The following MPZL1 variants were observed in gnomAD, a reference collection of about 807,000 sequenced individuals.
MPZL1 encodes myelin protein zero-like protein 1.
A neutral mutation model predicts 29.3 loss-of-function variants in MPZL1; 16 were observed. That is an observed-to-expected ratio of 0.55 (90% CI 0.37 to 0.83). MPZL1 has a LOEUF of 0.83. MPZL1 is among the 40% of genes least tolerant of loss of function. MPZL1 has a pLI of 0.00. For missense variants in MPZL1, 279 were observed against 332.9 expected (o/e 0.84, Z 1.26); for synonymous variants, 143 against 132.0 (o/e 1.08, Z -0.57).
At chr1:167,738,775 C>T (rs1377471249) in intron 1 of MPZL1, among the ~76,000 whole-genome samples, 1 of 152,158 alleles carries the variant, frequency 6.6e-6, no homozygotes, top group Non-Finnish European at 1.5e-5. Flanking sequence ...CACCTTCTGC[C>T]ATGATTGTAA....
chr1:167,737,530 A>C (rs1181964971), intron 1 of MPZL1, among the ~76,000 whole-genome samples: 1 of 152,190 alleles, frequency 6.6e-6, no homozygotes, highest in Non-Finnish European at 1.5e-5. Flanking sequence ...ATATTTTAGC[A>C]GATCGGGTTG....
chr1:167,780,721 T>G lies in MPZL1; in HGVS notation c.708+4555T>G, dbSNP rs79845758. Among the ~76,000 whole-genome samples, 6 of 152,154 alleles carry G rather than the reference T, an allele frequency of 3.9e-5. No homozygotes were observed. The East Asian group carries it at 1.2e-3, about 29-fold the overall frequency. ...TTCATAGAGACAGAAAGTAGAGTGG[T>G]AGTTGTTGGGGAAGGAAGAATAGGG... On this transcript the variant is annotated intron_variant, in intron 5 of 5. Transcript: ENST00000359523.
At chr1:167,770,016 A>G (rs543763703) in intron 2 of MPZL1, among the ~76,000 whole-genome samples, 149 of 152,310 alleles carry the variant, frequency 9.8e-4, no homozygotes, top group African/African-American at 3.5e-3. Flanking sequence ...ATACATGAAG[A>G]GGGGAAGATG....
At position 167,722,060 on chromosome 1, in the gene MPZL1, A is replaced by G; in HGVS notation, c.-92A>G. The G allele has an allele frequency of 3.3e-6, 4 of 1,228,962 alleles. No individual in the cohort carries two copies. Among genetic ancestry groups the G allele is most frequent in the Non-Finnish European group, 4.1e-6 (4 of 985,956 alleles). The allele number at this position is 1,228,962 out of a possible 1,614,324, so 76.1% of individuals were successfully genotyped here. On this transcript the variant is annotated 5_prime_UTR_variant, in exon 1 of 6. Coordinates refer to ENST00000359523, the MANE Select transcript of MPZL1 (RefSeq NM_003953.6). ...GCCACCCGGCGCGGGTGGCGGAGAG[A>G]TCAGAAGCCTCTTCCCCAAGCCGAG...
chr1:167,760,431 T>G lies in MPZL1; in HGVS notation c.92-5152T>G, dbSNP rs185847125. 9.2e-5 allele frequency among the ~76,000 whole-genome samples: 14 copies of G among 152,270 alleles called. No homozygotes were observed. The East Asian group carries it at 2.5e-3, about 27-fold the overall frequency. Reference sequence around the variant, plus strand: ...GTTAGCCAGGATGGTCTTGATCTCCTGACCTCGGTGTTCCGCCCACTTTGG... The same window carrying G: ...GTTAGCCAGGATGGTCTTGATCTCCGGACCTCGGTGTTCCGCCCACTTTGG... On this transcript the variant is annotated intron_variant, in intron 1 of 5. Transcript: ENST00000359523.
At chr1:167,775,356 A>C (rs1661342747) in intron 4 of MPZL1, among the ~76,000 whole-genome samples, 1 of 152,180 alleles carries the variant, frequency 6.6e-6, no homozygotes, top group Non-Finnish European at 1.5e-5. Context: ...GACACATCTC[A>C]TTGGAAAATC....
At chr1:167,736,984 G>A (rs4656554) in intron 1 of MPZL1, among the ~76,000 whole-genome samples, 45,991 of 151,938 alleles carry the variant, frequency 0.3, 7,219 homozygotes, top group African/African-American at 0.38. Flanking sequence ...CCTTGAATTC[G>A]TGTATGATAT....
At chr1:167,771,659 G>A (rs1661251825) in intron 2 of MPZL1, among the ~76,000 whole-genome samples, 1 of 151,760 alleles carries the variant, frequency 6.6e-6, no homozygotes, top group Admixed American at 6.6e-5. Flanking sequence ...GCCGGGCAGA[G>A]GGGCTCCTCA....
chr1:167,760,445 C>T (rs1056726553), intron 1 of MPZL1, among the ~76,000 whole-genome samples: 4 of 151,976 alleles, frequency 2.6e-5, no homozygotes, highest in South Asian at 2.1e-4. Flanking sequence ...CTCGGTGTTC[C>T]GCCCACTTTG....
intron 1 of MPZL1, among the ~76,000 whole-genome samples, chr1:167,741,367 T>C (rs578187415): frequency 7.1e-6 from 1 of 140,392 alleles, no homozygotes; most frequent in South Asian, 2.3e-4. Context: ...GTCTCACTTG[T>C]CACCCAGGCG....
Position 167,788,001 on chromosome 1 carries a change from T to C in MPZL1, c.*80T>C. 1.6e-6 allele frequency: 2 copies of C among 1,214,252 alleles called. No individual in the cohort carries two copies. The highest frequency in any genetic ancestry group is 2.4e-5 in the East Asian group (1 of 42,524). The allele number at this position is 1,214,252 out of a possible 1,614,324, so 75.2% of individuals were successfully genotyped here. On this transcript the variant is annotated 3_prime_UTR_variant, in exon 6 of 6. Transcript: ENST00000359523. ...GCAGAAAATGTAGCCCATTACCACATGTAGCCTTGGAGACCCAGGCAAGGA... is the reference window on the plus strand; with the variant it reads ...GCAGAAAATGTAGCCCATTACCACACGTAGCCTTGGAGACCCAGGCAAGGA...
chr1:167,760,789 G>GTGTGTA (rs1660971413), intron 1 of MPZL1, among the ~76,000 whole-genome samples: 1 of 148,276 alleles, frequency 6.7e-6, no homozygotes, highest in East Asian at 1.9e-4. Flanking sequence ...GTGTGTGTGT[G>GTGTGTA]TGTGTACAGG....
intron 1 of MPZL1, among the ~76,000 whole-genome samples, chr1:167,727,870 TC>T (rs1660181508): frequency 6.7e-6 from 1 of 149,840 alleles, no homozygotes; most frequent in African/African-American, 2.5e-5. Flanking sequence ...TTCTTTCTTT[TC>T]CTTTTTTTTT....
intron 5 of MPZL1, among the ~76,000 whole-genome samples, chr1:167,779,085 G>A (rs1157571135): frequency 6.6e-6 from 1 of 151,650 alleles, no homozygotes; most frequent in African/African-American, 2.4e-5. Flanking sequence ...TCATGCCACT[G>A]TACTCCAGCC....
At position 167,790,970 on chromosome 1, in the gene MPZL1, A is replaced by AT. The variant is rs1329831893; in HGVS notation, c.*3049_*3050insT. On this transcript the variant is annotated 3_prime_UTR_variant, in exon 6 of 6. Transcript: ENST00000359523. The stretch of plus-strand genomic sequence containing the variant: ...TTGCACATGCTGTTCCCTGGGCCTG[A>AT]AGCATGCCTTCTGCCAATATTCCTG... The AT allele has an allele frequency of 6.6e-6, 1 of 152,102 alleles. No individual in the cohort carries two copies. The highest frequency in any genetic ancestry group is 6.6e-5 in the Admixed American group (1 of 15,260). The allele number at this position is 152,102 out of a possible 1,614,324, so 9.4% of individuals were successfully genotyped here.
chr1:167,788,958 C>T lies in MPZL1; in HGVS notation c.*1037C>T, dbSNP rs1661650516. 1 of 151,046 alleles carries T rather than the reference C, an allele frequency of 6.6e-6. No individual in the cohort carries two copies. The highest frequency in any genetic ancestry group is 1.5e-5 in the Non-Finnish European group (1 of 67,932). The allele number at this position is 151,046 out of a possible 1,614,324, so 9.4% of individuals were successfully genotyped here. On this transcript the variant is annotated 3_prime_UTR_variant, in exon 6 of 6. Transcript: ENST00000359523. The stretch of plus-strand genomic sequence containing the variant: ...AACTCTTGGGCTCAAGTGATTCTCC[C>T]TCCTCAGCCTCCCGAGTAGCTGGAA...
At chr1:167,781,924 A>G (rs1355070950) in intron 5 of MPZL1, among the ~76,000 whole-genome samples, 1 of 152,098 alleles carries the variant, frequency 6.6e-6, no homozygotes, top group African/African-American at 2.4e-5. Flanking sequence ...ATAAATTCTA[A>G]AAAATTTCTA....
At chr1:167,729,657 AGAGT>A (rs1336612203) in intron 1 of MPZL1, among the ~76,000 whole-genome samples, 2 of 152,204 alleles carry the variant, frequency 1.3e-5, no homozygotes, top group Admixed American at 1.3e-4. Context: ...GAAGAGAAAG[AGAGT>A]GAGTGAGCAG....
At position 167,776,101 on chromosome 1, in the gene MPZL1, G is replaced by A. The variant is rs1199092196; in HGVS notation, c.643G>A (p.Ala215Thr). The change falls in exon 5 of 6, where the codon GCT becomes ACT. Residue 215 changes from alanine to threonine, a missense_variant. Transcript: ENST00000359523. ...AGAGAGTTTGTCACCAGTTAAGCAG[G>A]CTCCTCGGAAGTCCCCCTCCGACAC... ...TSESLSPVKQ[A>T]PRKSPSDTEG... 3 of 1,611,984 alleles carry A rather than the reference G, an allele frequency of 1.9e-6. No individual in the cohort carries two copies. Among genetic ancestry groups the A allele is most frequent in the South Asian group, 1.1e-5 (1 of 90,880 alleles).
Sources: allele counts gnomAD v4.1 joint callset (sites outside exome capture counted in the v4.1 genomes callset), GRCh38; gene constraint gnomAD v4.1.1; transcripts MANE v1.5; gene names NCBI Gene and HGNC (gene_info 2026-07-23, HGNC 2026-07-21).